The following MMP28 variants were observed in gnomAD, a reference collection of about 807,000 sequenced individuals.
The protein encoded by MMP28 is matrix metalloproteinase-28.
Under a neutral mutation model 60.5 loss-of-function variants are expected in MMP28, and 55 were observed. The observed-to-expected ratio is 0.91, with a 90% CI of 0.73 to 1.14. MMP28 has a LOEUF of 1.14. MMP28 is among the 50% of genes most tolerant of loss of function. The pLI is 0.00. For missense variants in MMP28, 686 were observed against 738.3 expected (o/e 0.93, Z 0.82); for synonymous variants, 318 against 312.5 (o/e 1.02, Z -0.18).
At position 35,766,554 on chromosome 17, in the gene MMP28, G is replaced by A. The variant is rs780506563; in HGVS notation, c.1509C>T (p.Thr503=). The part of the protein sequence containing the change: ...LQATTSGRWA[T]ELPWMGCWHA... Reference sequence around the variant, plus strand: ...GCCAGCAGCCCATCCAGGGCAGCTCGGTGGCCCAGCGGCCCGAGGTGGTTG... The same window carrying A: ...GCCAGCAGCCCATCCAGGGCAGCTCAGTGGCCCAGCGGCCCGAGGTGGTTG... Residue 503 remains threonine, a synonymous_variant, in exon 8 of 8, where the codon ACC becomes ACT. Transcript: ENST00000605424. The surrounding 1 kb of genome is among the most constrained non-coding windows in gnomAD (Gnocchi z 4.3). The A allele has an allele frequency of 1.3e-5, 21 of 1,610,206 alleles. No homozygotes were observed. The highest frequency in any genetic ancestry group is 5.3e-5 in the African/African-American group (4 of 74,902).
downstream of MMP28, chr17:35,764,015 AC>A (rs1341621197): frequency 1.0e-5 from 16 of 1,541,128 alleles, no homozygotes; most frequent in South Asian, 2.4e-5. Flanking sequence ...AGGTGTGAAG[AC>A]CCCCTTGTGG....
intron 1 of MMP28, among the ~76,000 whole-genome samples, chr17:35,791,182 T>C (rs1267576385): frequency 6.6e-6 from 1 of 151,516 alleles, no homozygotes; most frequent in African/African-American, 2.4e-5. Flanking sequence ...AAAACACATG[T>C]AAAAGAAGTA....
chr17:35,766,718 C>T lies in MMP28; in HGVS notation c.1345G>A (p.Glu449Lys). ...TGCAGACTTCGGGGGTAGTAGGGCT[C>T]CACTTGCAGTCCCCCTCGGGCCAGC... ...YVLARGGLQVEPYYPRSLQDW... is the reference protein window; with the variant it reads ...YVLARGGLQVKPYYPRSLQDW... The change falls in exon 8 of 8, where the codon GAG (glutamate) becomes AAG (lysine). Residue 449 changes from glutamate (E) to lysine (K), a missense_variant. Transcript: ENST00000605424. This position sits in a 1 kb window ranked among gnomAD's most constrained non-coding sequence, Gnocchi z 4.3. 2 of 1,601,510 alleles carry T rather than the reference C, an allele frequency of 1.2e-6. No individual in the cohort carries two copies. The highest frequency in any genetic ancestry group is 1.7e-6 in the Non-Finnish European group (2 of 1,174,672).
intron 1 of MMP28, among the ~76,000 whole-genome samples, chr17:35,780,567 G>A (rs182068867): frequency 5.8e-4 from 88 of 152,246 alleles, no homozygotes; most frequent in African/African-American, 2.0e-3. Context: ...AGGCACAGTG[G>A]CTCACGCCTG....
At chr17:35,785,282 A>G (rs927171822) in intron 1 of MMP28, among the ~76,000 whole-genome samples, 2 of 152,124 alleles carry the variant, frequency 1.3e-5, no homozygotes, top group African/African-American at 4.8e-5. Context: ...CAGCAAAATG[A>G]ACCCAAGGCC....
At chr17:35,759,788 A>T (rs1368777383) in intron 2 of MMP28, among the ~76,000 whole-genome samples, 1 of 147,960 alleles carries the variant, frequency 6.8e-6, no homozygotes, top group Non-Finnish European at 1.5e-5. Flanking sequence ...ACCGGTATCC[A>T]CTGGCACTCA....
rs1555608283 is a variant in MMP28 at position 35,778,902 on chromosome 17, C to T, written c.365G>A (p.Arg122His). 1 of 1,613,920 alleles carries T rather than the reference C, an allele frequency of 6.2e-7. No homozygotes were observed. The highest frequency in any genetic ancestry group is 8.5e-7 in the Non-Finnish European group (1 of 1,179,906). Residue 122 changes from arginine (R) to histidine (H), a missense_variant, in exon 3 of 8, where the codon CGC (arginine) becomes CAC (histidine). Arg to His is a conservative substitution (Grantham distance 29). Transcript: ENST00000605424. ...ACAGTGCTCACCTTGCTTTGCAAAG[C>T]GTTTCTTACGCCTCATTTTGGTCCG... ...RHRTKMRRKK[R>H]FAKQGNKWYK...
intron 1 of MMP28, among the ~76,000 whole-genome samples, chr17:35,784,923 G>A (rs1337121458): frequency 2.0e-5 from 3 of 152,154 alleles, no homozygotes; most frequent in East Asian, 3.8e-4. Context: ...GGGAGCCCAA[G>A]GCTTGAGCTG....
intron 1 of MMP28, among the ~76,000 whole-genome samples, chr17:35,789,935 T>C (rs1439184082): frequency 6.6e-6 from 1 of 151,660 alleles, no homozygotes; most frequent in Non-Finnish European, 1.5e-5. Flanking sequence ...CTAATTTTTG[T>C]ATTTTTAGTA....
At chr17:35,788,825 A>G (rs570206380) in intron 1 of MMP28, among the ~76,000 whole-genome samples, 1 of 152,246 alleles carries the variant, frequency 6.6e-6, no homozygotes, top group East Asian at 1.9e-4. Context: ...AGCAAAGCAA[A>G]TGATAGATAG....
rs372991755 is a variant in MMP28 at position 35,766,603 on chromosome 17, C to A, written c.1460G>T (p.Arg487Leu). 3.7e-5 allele frequency: 60 copies of A among 1,612,474 alleles called. No individual in the cohort carries two copies. The highest frequency in any genetic ancestry group is 4.9e-5 in the Non-Finnish European group (58 of 1,179,760). The change falls in exon 8 of 8, where the codon CGC becomes CTC. Residue 487 changes from arginine to leucine, a missense_variant. Coordinates refer to ENST00000605424, the MANE Select transcript of MMP28 (RefSeq NM_024302.5). The surrounding 1 kb of genome is among the most constrained non-coding windows in gnomAD (Gnocchi z 4.3). ...TGCCTGCAGTTTGGCCTGGTCGAGGCGCCAGTAGCGGTCATCTCGGAAGAA... is the reference window on the plus strand; with the variant it reads ...TGCCTGCAGTTTGGCCTGGTCGAGGAGCCAGTAGCGGTCATCTCGGAAGAA... ...IIFFRDDRYW[R>L]LDQAKLQATT... is the part of the protein sequence containing the mutation.
chr17:35,756,532 A>G (rs587734031), intron 2 of MMP28: 1 of 655,824 alleles, frequency 1.5e-6, no homozygotes, highest in South Asian at 7.0e-5. Context: ...GTGCAGAGGA[A>G]TGATCTTGGC....
downstream of MMP28, chr17:35,760,975 G>A (rs1419962834): frequency 6.2e-7 from 1 of 1,610,260 alleles, no homozygotes; most frequent in Non-Finnish European, 8.5e-7. Context: ...CTGGAGGCAG[G>A]GTGGGGCTGG....
rs968843941 is a variant in MMP28, at chr17:35,783,783, T to A, written c.112-4460A>T. ...GACGGGGTGGAGGGCAGGATGGGGG[T>A]TGGGGGTGAGGGCCTTTTTCAGGGG... On this transcript the variant is annotated intron_variant, in intron 1 of 7. Coordinates refer to ENST00000605424, the MANE Select transcript of MMP28 (RefSeq NM_024302.5). Among the ~76,000 whole-genome samples the A allele has an allele frequency of 4.0e-5, 6 of 150,782 alleles. No homozygotes were observed. The East Asian group carries it at 1.2e-3, about 30-fold the overall frequency.
chr17:35,762,317 C>T (rs1334280115), downstream of MMP28, among the ~76,000 whole-genome samples: 1 of 152,152 alleles, frequency 6.6e-6, no homozygotes, highest in Non-Finnish European at 1.5e-5. Flanking sequence ...TTTTCCATAG[C>T]AAACTCCACG....
intron 2 of MMP28, among the ~76,000 whole-genome samples, chr17:35,757,827 G>A (rs782510088): frequency 1.2e-4 from 18 of 152,136 alleles, no homozygotes; most frequent in Non-Finnish European, 2.5e-4. Flanking sequence ...CGAGGCTGGA[G>A]TGCAGTGGCT....
chr17:35,778,507 A>C (rs542052895), intron 3 of MMP28: 6 of 320,636 alleles, frequency 1.9e-5, no homozygotes, highest in Non-Finnish European at 3.5e-5. Context: ...AAAGTAAATC[A>C]ATAGATCACA....
chr17:35,763,466 G>A (rs1187704505), downstream of MMP28, among the ~76,000 whole-genome samples: 1 of 137,712 alleles, frequency 7.3e-6, no homozygotes, highest in Admixed American at 7.4e-5. Context: ...TTTTTGGAGC[G>A]AAATAAAAAG....
chr17:35,785,007 T>G (rs1598468418), intron 1 of MMP28, among the ~76,000 whole-genome samples: 1 of 152,174 alleles, frequency 6.6e-6, no homozygotes, highest in African/African-American at 2.4e-5. Flanking sequence ...TGTGCCAACA[T>G]GCCTTACCCC....
Sources: allele counts gnomAD v4.1 joint callset (sites outside exome capture counted in the v4.1 genomes callset), GRCh38; gene constraint gnomAD v4.1.1; non-coding constraint Gnocchi (gnomAD v3.1); transcripts MANE v1.5; gene names NCBI Gene and HGNC (gene_info 2026-07-23, HGNC 2026-07-21).